Variants in ZNF701 observed in about 807,000 individuals in gnomAD.
ZNF701 encodes the protein zinc finger protein 701.
A neutral mutation model predicts 7.1 loss-of-function variants in ZNF701; 6 were observed. The observed-to-expected ratio is 0.84, with a 90% CI of 0.46 to 1.66. The LOEUF (loss-of-function observed/expected upper bound fraction) is 1.66, where lower values mean the gene tolerates loss of function less well. Among genes scored for constraint, ZNF701 ranks in the 40% most tolerant of loss-of-function variants. The probability of loss-of-function intolerance (pLI) is 0.01; values close to 1 mark genes in which losing one functional copy is unlikely to be tolerated. For synonymous variants in ZNF701, 166 were observed against 188.2 expected (o/e 0.88, Z 0.97); for missense variants, 541 against 559.2 (o/e 0.97, Z 0.33).
the ZNF701 span, chr19:52,597,151 C>A: frequency 3.0e-6 from 2 of 665,504 alleles, no homozygotes; most frequent in African/African-American, 1.8e-5. Context: ...TATCAGCGAA[C>A]TCATACTGGA....
At position 52,583,519 on chromosome 19, in the gene ZNF701, T is replaced by TA. The variant is rs1369383689; in HGVS notation, c.*63dup. ...ACCTTGCATGTCATCATAGACTTTA[T>TA]ACTGGAGAGAAACCTTACAAATGTG... On this transcript the variant is annotated 3_prime_UTR_variant, in exon 4 of 4. Coordinates refer to ENST00000391785, the MANE Select transcript of ZNF701 (RefSeq NM_018260.3). 9 of 1,604,572 alleles carry TA rather than the reference T, an allele frequency of 5.6e-6. No individual in the cohort carries two copies. In the East Asian group the frequency reaches 2.0e-4, roughly 36 times the overall value.
chr19:52,576,327 G>A (rs2059933911), intron 3 of ZNF701, among the ~76,000 whole-genome samples: 1 of 152,072 alleles, frequency 6.6e-6, no homozygotes, highest in African/African-American at 2.4e-5. Context: ...GATCACTTCA[G>A]GTCAGGAGTT....
chr19:52,595,795 TG>T, the ZNF701 span: 1 of 1,602,896 alleles, frequency 6.2e-7, no homozygotes, highest in African/African-American at 1.3e-5. Context: ...TTTAAAGAAA[TG>T]GCCATGAAGC....
downstream of ZNF701, among the ~76,000 whole-genome samples, chr19:52,590,345 A>T (rs1200171588): frequency 6.6e-6 from 1 of 151,932 alleles, no homozygotes; most frequent in Non-Finnish European, 1.5e-5. Context: ...CAGGTGATCC[A>T]CCCACCTCGG....
At chr19:52,581,959 CAT>C (rs1020034822) in intron 3 of ZNF701, among the ~76,000 whole-genome samples, 3 of 152,186 alleles carry the variant, frequency 2.0e-5, no homozygotes, top group Non-Finnish European at 4.4e-5. Flanking sequence ...TAGGCTTACA[CAT>C]GTTTGTGCCC....
rs145166923 is a variant in ZNF701 at position 52,582,700 on chromosome 19, C to G, written c.641C>G (p.Ser214Cys). The change falls in exon 4 of 4, where the codon TCT becomes TGT. Residue 214 changes from serine (S) to cysteine (C), a missense_variant. Ser to Cys is a moderately radical substitution (Grantham distance 112). Transcript: ENST00000391785. ...CGGGAAGTACACACAAGAGAAAAAT[C>G]TTTCCAACGTAATGAGAGTGGCAAA... Reference protein sequence around the residue: ...QKREVHTREKSFQRNESGKAF... With the variant: ...QKREVHTREKCFQRNESGKAF... 2.7e-5 allele frequency: 43 copies of G among 1,614,022 alleles called. 1 individual carries two copies. In the African/African-American group the frequency reaches 3.9e-4, roughly 15 times the overall value.
downstream of ZNF701, chr19:52,588,693 G>C (rs116024830): frequency 4.8e-3 from 1,297 of 267,862 alleles, 16 homozygotes; most frequent in African/African-American, 0.028. Flanking sequence ...AGTCTTCTGT[G>C]ATTCTGAAGC....
the ZNF701 span, chr19:52,596,859 G>T: frequency 1.8e-6 from 1 of 549,618 alleles, no homozygotes; most frequent in East Asian, 4.9e-5. Flanking sequence ...ACTGTCTAAG[G>T]TTTCTAATCA....
chr19:52,571,880 A>G (rs1031934614), intron 1 of ZNF701, among the ~76,000 whole-genome samples: 11 of 151,620 alleles, frequency 7.3e-5, no homozygotes, highest in Non-Finnish European at 1.5e-4. Flanking sequence ...CTGGAGTGCA[A>G]TGGTGCGATC....
rs1212527807 is a variant in ZNF701, at chr19:52,582,769, A to G, written c.710A>G (p.His237Arg). ...SSLLKKHQII[H>R]LGDKQYKCDV... is the part of the protein sequence containing the mutation. Reference sequence around the variant, plus strand: ...CTCTTAAAAAAACATCAGATAATCCATTTAGGAGACAAACAGTATAAATGT... The same window carrying G: ...CTCTTAAAAAAACATCAGATAATCCGTTTAGGAGACAAACAGTATAAATGT... The change falls in exon 4 of 4, where the codon CAT becomes CGT. Residue 237 changes from histidine to arginine, a missense_variant. By Grantham distance (29) the His-to-Arg change is conservative (BLOSUM62 0). Transcript: ENST00000391785. 3 of 1,614,210 alleles carry G rather than the reference A, an allele frequency of 1.9e-6. No individual in the cohort carries two copies. Among genetic ancestry groups the G allele is most frequent in the Non-Finnish European group, 2.5e-6 (3 of 1,180,044 alleles).
At chr19:52,597,666 G>A in the ZNF701 span, 1 of 331,208 alleles carries the variant, frequency 3.0e-6, no homozygotes, top group Non-Finnish European at 5.9e-6. Context: ...CCGTTGGGGT[G>A]GGACCTGATT....
In ZNF701 at chr19:52,582,202, A is replaced by C; in HGVS notation, c.143A>C (p.Asp48Ala). 1 of 1,573,266 alleles carries C rather than the reference A, an allele frequency of 6.4e-7. No homozygotes were observed. Among genetic ancestry groups the C allele is most frequent in the African/African-American group, 1.4e-5 (1 of 73,664 alleles). The stretch of plus-strand genomic sequence containing the variant: ...ACCTATTTGTGTTTATATTTTGTAG[A>C]TACCTCTTCCAAATGCATGATGAAG... ...LENYRNLVSL[D>A]TSSKCMMKMF... is the part of the protein sequence containing the mutation. Residue 48 changes from aspartate (D) to alanine (A), a missense_variant and splice_region_variant, in exon 4 of 4, where the codon GAT becomes GCT. Asp to Ala is a moderately radical substitution (Grantham distance 126). Coordinates refer to ENST00000391785, the MANE Select transcript of ZNF701 (RefSeq NM_018260.3).
At chr19:52,576,780 AG>A (rs2146984504) in intron 3 of ZNF701, among the ~76,000 whole-genome samples, 1 of 152,240 alleles carries the variant, frequency 6.6e-6, no homozygotes, top group Admixed American at 6.5e-5. Context: ...ACTCTACAAA[AG>A]CTCCAGCACG....
downstream of ZNF701, among the ~76,000 whole-genome samples, chr19:52,589,122 G>A (rs1444950520): frequency 6.6e-6 from 1 of 152,110 alleles, no homozygotes; most frequent in East Asian, 1.9e-4. Context: ...TTTTACATCT[G>A]GGAAGATTCC....
At chr19:52,599,024 T>C in the ZNF701 span, 1 of 151,348 alleles carries the variant, frequency 6.6e-6, no homozygotes, top group African/African-American at 2.4e-5. Context: ...TCATTTTCTC[T>C]GTCTTCTGAG....
chr19:52,592,271 C>T, the ZNF701 span: 2 of 1,528,488 alleles, frequency 1.3e-6, no homozygotes, highest in Non-Finnish European at 9.0e-7. Flanking sequence ...CTGCCCTTGT[C>T]TATCTTGGCT....
At position 52,575,906 on chromosome 19, in the gene ZNF701, A is replaced by G. The variant is rs549182086; in HGVS notation, c.27A>G (p.Thr9=). 1.1e-5 allele frequency: 17 copies of G among 1,532,032 alleles called. No individual in the cohort carries two copies. Among genetic ancestry groups the G allele is most frequent in the Middle Eastern group, 1.8e-4 (1 of 5,542 alleles). The allele number at this position is 1,532,032 out of a possible 1,614,324, so 94.9% of individuals were successfully genotyped here. A position where few individuals can be genotyped will look rare whatever the true frequency, so the allele number is the denominator to read the frequency against. ...TGTTTTCCTTTCAGGGTCTACTGAC[A>G]TTCAGGGATGTGGCCATAGAATTCT... MALLQGLL[T]FRDVAIEFSQ... The change falls in exon 3 of 4, where the codon ACA becomes ACG. Residue 9 remains threonine (T), a synonymous_variant. Transcript: ENST00000391785.
chr19:52,585,983 A>G lies in ZNF701; in HGVS notation c.*2526A>G, dbSNP rs1442707850. On this transcript the variant is annotated 3_prime_UTR_variant, in exon 4 of 4. Coordinates refer to ENST00000391785, the MANE Select transcript of ZNF701 (RefSeq NM_018260.3). Reference sequence around the variant, plus strand: ...GTCTAGTTTTGGAAAGTTCGCGTTAATTGGTTTTAGATTCCCTGCCTCCCT... The same window carrying G: ...GTCTAGTTTTGGAAAGTTCGCGTTAGTTGGTTTTAGATTCCCTGCCTCCCT... The G allele has an allele frequency of 1.3e-5, 2 of 152,118 alleles. No individual in the cohort carries two copies. The highest frequency in any genetic ancestry group is 4.8e-5 in the African/African-American group (2 of 41,364). 9.4% of individuals were successfully genotyped at this position (152,118 alleles called of 1,614,324 possible).
chr19:52,593,939 C>T, the ZNF701 span: 1 of 133,766 alleles, frequency 7.5e-6, no homozygotes, highest in East Asian at 2.1e-4. Context: ...AGGCTGCAAT[C>T]TCGGCACTTT....
Sources: allele counts gnomAD v4.1 joint callset (sites outside exome capture counted in the v4.1 genomes callset), GRCh38; gene constraint gnomAD v4.1.1; transcripts MANE v1.5; gene names NCBI Gene and HGNC (gene_info 2026-07-23, HGNC 2026-07-21).